RAP1B: variants seen among roughly 807,000 people sequenced by gnomAD.
RAP1B encodes ras-related protein Rap-1b.
A neutral mutation model predicts 27.5 loss-of-function variants in RAP1B; 1 was observed. The observed-to-expected ratio is 0.04, with a 90% CI of 0.01 to 0.17. RAP1B has a LOEUF of 0.17. RAP1B is among the 10% of genes least tolerant of loss of function. The pLI is 1.00. For synonymous variants in RAP1B, 75 were observed against 73.1 expected (o/e 1.03, Z -0.13); for missense variants, 84 against 214.8 (o/e 0.39, Z 3.81).
chr12:68,654,323 A>G, intron 5 of RAP1B, 71 bp downstream of exon 5: 1 of 550,100 alleles, frequency 1.8e-6, no homozygotes, highest in Non-Finnish European at 2.5e-6. Flanking sequence ...CTAAATTTAA[A>G]TTCATTTTAA....
In RAP1B at chr12:68,663,529, A is replaced by G. The variant is rs930421385; in HGVS notation, c.*4280A>G. The G allele has an allele frequency of 6.6e-6, 1 of 152,244 alleles. No homozygotes were observed. The highest frequency in any genetic ancestry group is 2.1e-4 in the South Asian group (1 of 4,832). 9.4% of individuals were successfully genotyped at this position (152,244 alleles called of 1,614,324 possible). A position where few individuals can be genotyped will look rare whatever the true frequency, so the allele number is the denominator to read the frequency against. ...CTAAACAGATTAATCAACTAATTCC[A>G]TAGGCTTGACATTAGTTTATCTTTG... is the stretch of plus-strand genomic sequence containing the variant. On this transcript the variant is annotated 3_prime_UTR_variant, in exon 8 of 8. Transcript: ENST00000250559.
intron 1 of RAP1B, among the ~76,000 whole-genome samples, chr12:68,613,007 C>T (rs987989648): frequency 6.6e-6 from 1 of 152,174 alleles, no homozygotes; most frequent in Non-Finnish European, 1.5e-5. Context: ...CAAAATATAA[C>T]TGAAGAACCA....
chr12:68,617,952 C>T (rs918508114), intron 1 of RAP1B, among the ~76,000 whole-genome samples: 10 of 152,030 alleles, frequency 6.6e-5, no homozygotes, highest in African/African-American at 9.6e-5. Context: ...TTTGTAGAGA[C>T]GGGGTCTCAC....
chr12:68,636,116 C>T (rs937397066), intron 1 of RAP1B, among the ~76,000 whole-genome samples: 3 of 152,014 alleles, frequency 2.0e-5, no homozygotes, highest in African/African-American at 7.3e-5. Context: ...AACTCCTGAC[C>T]TCAAGTGATC....
chr12:68,640,133 C>A (rs537836307), intron 1 of RAP1B, among the ~76,000 whole-genome samples: 1 of 152,120 alleles, frequency 6.6e-6, no homozygotes, highest in Non-Finnish European at 1.5e-5. Flanking sequence ...GCCACCATGC[C>A]CGGCCCAAAG....
At chr12:68,631,972 T>C (rs1228367584) in intron 1 of RAP1B, among the ~76,000 whole-genome samples, 1 of 152,146 alleles carries the variant, frequency 6.6e-6, no homozygotes, top group Non-Finnish European at 1.5e-5. Context: ...CTTTCCGTGC[T>C]TAAACCTGGA....
rs958351134 is a variant in RAP1B, at chr12:68,663,809, G to T, written c.*4560G>T. On this transcript the variant is annotated 3_prime_UTR_variant, in exon 8 of 8. Coordinates refer to ENST00000250559, the MANE Select transcript of RAP1B (RefSeq NM_001010942.3). ...TGTTTCAGGCGCTGTTTACAATATCGGAGGTACAGCAGGGATTTTCTGCCC... is the reference window on the plus strand; with the variant it reads ...TGTTTCAGGCGCTGTTTACAATATCTGAGGTACAGCAGGGATTTTCTGCCC... 1.3e-5 allele frequency: 2 copies of T among 152,074 alleles called. No homozygotes were observed. Among genetic ancestry groups the T allele is most frequent in the Non-Finnish European group, 2.9e-5 (2 of 68,028 alleles). The allele number at this position is 152,074 out of a possible 1,614,324, so 9.4% of individuals were successfully genotyped here.
chr12:68,658,022 C>T (rs905361326), intron 7 of RAP1B, among the ~76,000 whole-genome samples: 1 of 152,112 alleles, frequency 6.6e-6, no homozygotes, highest in South Asian at 2.1e-4. Flanking sequence ...GATCTTGCAT[C>T]GGTACCTGGC....
rs1874800381 is a variant in RAP1B, at chr12:68,665,244, A to G, written c.*5995A>G. ...GACTAATAGTAAATGTTACATAACT[A>G]AAGCAACAGATTTGCCAGCTGTGTG... On this transcript the variant is annotated 3_prime_UTR_variant, in exon 8 of 8. Transcript: ENST00000250559. 1 of 152,292 alleles carries G rather than the reference A, an allele frequency of 6.6e-6. No individual in the cohort carries two copies. Among genetic ancestry groups the G allele is most frequent in the Admixed American group, 6.5e-5 (1 of 15,294 alleles). The allele number at this position is 152,292 out of a possible 1,614,324, so 9.4% of individuals were successfully genotyped here. A position where few individuals can be genotyped will look rare whatever the true frequency, so the allele number is the denominator to read the frequency against.
chr12:68,641,767 T>G (rs981911935), intron 1 of RAP1B, among the ~76,000 whole-genome samples: 1 of 151,224 alleles, frequency 6.6e-6, no homozygotes, highest in African/African-American at 2.4e-5. Context: ...AATCGATGCA[T>G]TCCACAGTTC....
chr12:68,636,725 G>GT (rs58164003), intron 1 of RAP1B, among the ~76,000 whole-genome samples: 26,887 of 150,946 alleles, frequency 0.18, 3,072 homozygotes, highest in South Asian at 0.45. Context: ...TATCCCTGCT[G>GT]TTTTTTTTTG....
intron 1 of RAP1B, among the ~76,000 whole-genome samples, chr12:68,631,609 A>G (rs752211099): frequency 1.3e-5 from 2 of 152,016 alleles, no homozygotes; most frequent in Admixed American, 1.3e-4. Context: ...TTTTTCCGCT[A>G]TAGTCTAATT....
rs550256576 is a variant in RAP1B at position 68,648,628 on chromosome 12, T to A, written c.-26-71T>A. 9.8e-6 allele frequency: 12 copies of A among 1,223,874 alleles called. No individual in the cohort carries two copies. In the East Asian group the frequency reaches 2.8e-4, roughly 28 times the overall value. The allele number at this position is 1,223,874 out of a possible 1,614,324, so 75.8% of individuals were successfully genotyped here. The stretch of plus-strand genomic sequence containing the variant: ...TAAATAAATCTATTTTCCTGAATGT[T>A]TTATTTCTGTGAAAAGCACAGGAAT... On this transcript the variant is annotated intron_variant, in intron 1 of 7. Coordinates refer to ENST00000250559, the MANE Select transcript of RAP1B (RefSeq NM_001010942.3).
At chr12:68,622,294 C>A (rs538477007) in intron 1 of RAP1B, among the ~76,000 whole-genome samples, 1 of 152,328 alleles carries the variant, frequency 6.6e-6, no homozygotes, top group Admixed American at 6.5e-5. Context: ...AACTTGTTTT[C>A]ATTTTTGTCC....
rs879233958 is a variant in RAP1B at position 68,652,167 on chromosome 12, C to T, written c.183+116C>T. ...CTTATTTAAAAGTACTGCTTGCAGC[C>T]GGTTGTAGTGGCTCACACCTCTATT... is the stretch of plus-strand genomic sequence containing the variant. On this transcript the variant is annotated intron_variant, in intron 4 of 7. Transcript: ENST00000250559. 9.1e-6 allele frequency: 7 copies of T among 769,292 alleles called. No homozygotes were observed. In the East Asian group the frequency reaches 1.1e-4, roughly 12 times the overall value. The allele number at this position is 769,292 out of a possible 1,614,324, so 47.7% of individuals were successfully genotyped here. A position where few individuals can be genotyped will look rare whatever the true frequency, so the allele number is the denominator to read the frequency against.
chr12:68,626,284 C>G (rs1019244718), intron 1 of RAP1B, among the ~76,000 whole-genome samples: 3 of 152,214 alleles, frequency 2.0e-5, no homozygotes, highest in African/African-American at 7.2e-5. Context: ...AAGTTCCTCA[C>G]TTCCAATTTC....
chr12:68,644,410 G>C (rs1677197509), intron 1 of RAP1B, among the ~76,000 whole-genome samples: 1 of 151,840 alleles, frequency 6.6e-6, no homozygotes, highest in Admixed American at 6.6e-5. Context: ...GTGAAACCCC[G>C]TCTCTACTAA....
chr12:68,658,488 C>T (rs1231738388), intron 7 of RAP1B, among the ~76,000 whole-genome samples: 1 of 152,196 alleles, frequency 6.6e-6, no homozygotes, highest in Non-Finnish European at 1.5e-5. Context: ...GTATTAACAA[C>T]TCTTCTGGAG....
chr12:68,657,730 AC>A (rs2135971922), intron 7 of RAP1B: 1 of 31,040 alleles, frequency 3.2e-5, no homozygotes, highest in Non-Finnish European at 6.7e-5. Flanking sequence ...TTTAAAACAC[AC>A]ACACACACAC....
Sources: gnomAD v4.1 joint callset for allele counts (sites outside exome capture counted in the v4.1 genomes callset) on GRCh38, gnomAD v4.1.1 for gene constraint, MANE v1.5 for transcripts, NCBI Gene and HGNC (gene_info 2026-07-23, HGNC 2026-07-21) for gene names.